MYO18B: variants seen among roughly 807,000 people sequenced by gnomAD.
MYO18B encodes myosin XVIIIB.
Under a neutral mutation model 273.0 loss-of-function variants are expected in MYO18B, and 204 were observed. That is an observed-to-expected ratio of 0.75 (90% CI 0.67 to 0.84). MYO18B has a LOEUF of 0.84. MYO18B is among the 40% of genes least tolerant of loss of function. MYO18B has a pLI of 0.00. For missense variants in MYO18B, 3,212 were observed against 3,287.6 expected (o/e 0.98, Z 0.56); for synonymous variants, 1,330 against 1,305.7 (o/e 1.02, Z -0.40).
In MYO18B at chr22:25,891,303, G is replaced by C; in HGVS notation, c.4435-1G>C. The C allele has an allele frequency of 6.4e-7, 1 of 1,562,358 alleles. No individual in the cohort carries two copies. The highest frequency in any genetic ancestry group is 1.2e-5 in the South Asian group (1 of 84,566). The stretch of plus-strand genomic sequence containing the variant: ...TTTAGACCTTGAGCCCTTTCTTCTA[G>C]AGCAAGCATGAACAAGTCCAGAAAA... On this transcript the variant is annotated splice_acceptor_variant, in intron 26 of 43. Transcript: ENST00000335473. LOFTEE classifies it high-confidence loss of function.
At chr22:25,933,899 CA>C (rs1485660344) in intron 34 of MYO18B, among the ~76,000 whole-genome samples, 1 of 152,142 alleles carries the variant, frequency 6.6e-6, no homozygotes, top group Non-Finnish European at 1.5e-5. Flanking sequence ...TTGTCTTTAG[CA>C]GATACTACAA....
At chr22:25,982,691 C>T (rs1377965843) in intron 39 of MYO18B, among the ~76,000 whole-genome samples, 1 of 152,152 alleles carries the variant, frequency 6.6e-6, no homozygotes, top group African/African-American at 2.4e-5. Context: ...CCACTGACCC[C>T]CTTGCCTCCA....
intron 25 of MYO18B, among the ~76,000 whole-genome samples, chr22:25,886,946 C>T (rs2091518276): frequency 6.6e-6 from 1 of 152,222 alleles, no homozygotes; most frequent in Admixed American, 6.5e-5. Flanking sequence ...AGGCAAATGA[C>T]ATATGCCAAA....
intron 39 of MYO18B, among the ~76,000 whole-genome samples, chr22:25,970,118 C>T (rs1433286505): frequency 1.3e-5 from 2 of 152,110 alleles, no homozygotes; most frequent in African/African-American, 2.4e-5. Context: ...TCATCACCAT[C>T]ACCATCAATC....
intron 42 of MYO18B, among the ~76,000 whole-genome samples, chr22:26,024,196 A>C (rs1936066338): frequency 6.6e-6 from 1 of 152,206 alleles, no homozygotes; most frequent in South Asian, 2.1e-4. Context: ...GATTGCCTTT[A>C]ATTATTAATG....
At chr22:25,963,504 C>T (rs1430924183) in intron 39 of MYO18B, among the ~76,000 whole-genome samples, 1 of 148,526 alleles carries the variant, frequency 6.7e-6, no homozygotes, top group Non-Finnish European at 1.5e-5. Context: ...TCCATGTGTC[C>T]TCAAGGACAC....
At chr22:26,031,047 G>A (rs867475573), downstream of MYO18B, 10 of 397,444 alleles carry the variant, frequency 2.5e-5, no homozygotes, top group Non-Finnish European at 4.4e-5. Context: ...CACCCTGAAC[G>A]CATGCGACAC....
chr22:25,971,541 C>T lies in MYO18B; in HGVS notation c.6156+16177C>T, dbSNP rs146046966. Reference sequence around the variant, plus strand: ...GTTGGCCCTAGCTATGGTTACAGTTCAGTGATGCAGATCTTTTTGTAGCTC... The same window carrying T: ...GTTGGCCCTAGCTATGGTTACAGTTTAGTGATGCAGATCTTTTTGTAGCTC... On this transcript the variant is annotated intron_variant, in intron 39 of 43. Transcript: ENST00000335473. 6.6e-5 allele frequency among the ~76,000 whole-genome samples: 10 copies of T among 152,298 alleles called. No homozygotes were observed. In the East Asian group the frequency reaches 1.9e-3, roughly 29 times the overall value.
At chr22:25,927,281 C>T (rs898475206) in intron 34 of MYO18B, among the ~76,000 whole-genome samples, 2 of 152,116 alleles carry the variant, frequency 1.3e-5, no homozygotes, top group Admixed American at 6.5e-5. Flanking sequence ...GGAGAAATAT[C>T]GCTGAATTCT....
intron 32 of MYO18B, among the ~76,000 whole-genome samples, chr22:25,909,379 T>C (rs1481958787): frequency 6.6e-6 from 1 of 152,250 alleles, no homozygotes; most frequent in Non-Finnish European, 1.5e-5. Context: ...AGATGGGTTT[T>C]AGCTTTTCCA....
intron 12 of MYO18B, 85 bp from the exon 13 acceptor site, chr22:25,823,420 T>G: frequency 2.0e-5 from 29 of 1,417,168 alleles, no homozygotes; most frequent in Non-Finnish European, 2.7e-5. Context: ...GGGAGGGTGC[T>G]GAGATTCTCC....
At chr22:26,010,658 C>T (rs1934835490) in intron 42 of MYO18B, among the ~76,000 whole-genome samples, 1 of 152,124 alleles carries the variant, frequency 6.6e-6, no homozygotes, top group African/African-American at 2.4e-5. Flanking sequence ...AGCAGAAACT[C>T]CCTTCCATCC....
At chr22:25,956,066 C>A (rs536743298) in intron 39 of MYO18B, among the ~76,000 whole-genome samples, 1 of 152,290 alleles carries the variant, frequency 6.6e-6, no homozygotes, top group South Asian at 2.1e-4. Flanking sequence ...GTGGAGATAT[C>A]AACTTGCCAA....
intron 33 of MYO18B, among the ~76,000 whole-genome samples, chr22:25,914,972 C>T (rs779815056): frequency 1.1e-4 from 16 of 151,694 alleles, no homozygotes; most frequent in Non-Finnish European, 2.2e-4. Context: ...GCTGGGATTA[C>T]AGGCATGAAA....
intron 5 of MYO18B, 33 bp from the exon 6 acceptor site, chr22:25,770,839 C>T (rs45541541): frequency 3.0e-5 from 44 of 1,486,412 alleles, no homozygotes; most frequent in East Asian, 2.5e-4. Context: ...ATCTCCTCCC[C>T]GTTCCCCTTC....
chr22:25,936,391 G>A (rs1422287280), intron 34 of MYO18B, among the ~76,000 whole-genome samples: 1 of 152,156 alleles, frequency 6.6e-6, no homozygotes, highest in Non-Finnish European at 1.5e-5. Context: ...CTTAAGACAA[G>A]TGAAAGGAGG....
At chr22:25,960,990 G>C (rs997348992) in intron 39 of MYO18B, among the ~76,000 whole-genome samples, 1 of 151,808 alleles carries the variant, frequency 6.6e-6, no homozygotes, top group Non-Finnish European at 1.5e-5. Flanking sequence ...CTCTATGAAA[G>C]AGAAAGAGAG....
intron 35 of MYO18B, among the ~76,000 whole-genome samples, chr22:25,947,182 C>T (rs887646275): frequency 2.6e-5 from 4 of 151,740 alleles, no homozygotes; most frequent in South Asian, 2.1e-4. Flanking sequence ...TATTCACGTG[C>T]GATCACCAGG....
chr22:25,826,740 A>C (rs532060830), intron 14 of MYO18B, among the ~76,000 whole-genome samples: 4 of 152,274 alleles, frequency 2.6e-5, no homozygotes, highest in African/African-American at 9.6e-5. Flanking sequence ...GACTGTTGTG[A>C]GGATTAAAAG....
Sources: allele counts gnomAD v4.1 joint callset (sites outside exome capture counted in the v4.1 genomes callset), GRCh38; gene constraint gnomAD v4.1.1; transcripts MANE v1.5; gene names NCBI Gene and HGNC (gene_info 2026-07-23, HGNC 2026-07-21).